The following TMOD1 variants were observed in gnomAD, a reference collection of about 807,000 sequenced individuals.
TMOD1 encodes the protein tropomodulin-1.
TMOD1 carries 17 observed loss-of-function variants against 40.6 expected under a neutral mutation model. That is an observed-to-expected ratio of 0.42 (90% confidence interval 0.29 to 0.63). TMOD1 has a LOEUF of 0.63. Ranked by LOEUF, TMOD1 falls within the 20% of genes least tolerant of loss-of-function variation. The pLI is 0.22. For synonymous variants in TMOD1, 181 were observed against 175.0 expected (o/e 1.03, Z -0.27); for missense variants, 391 against 447.6 (o/e 0.87, Z 1.14).
At chr9:97,553,693 A>C (rs2131255368) in intron 4 of TMOD1, among the ~76,000 whole-genome samples, 1 of 152,266 alleles carries the variant, frequency 6.6e-6, no homozygotes, top group South Asian at 2.1e-4. Context: ...TTTCCCAGCC[A>C]TTAGCGTTGA....
chr9:97,598,926 G>C (rs1390937127), intron 9 of TMOD1, among the ~76,000 whole-genome samples: 1 of 152,112 alleles, frequency 6.6e-6, no homozygotes, highest in Non-Finnish European at 1.5e-5. Flanking sequence ...AGAGCTTGCT[G>C]CTTGGTCTTA....
In TMOD1 at chr9:97,600,086, T is replaced by C. The variant is rs570536535; in HGVS notation, c.*388T>C. Reference sequence around the variant, plus strand: ...AACGGCACACTCTTCCACATGCTTTTGAAGTATTATAAAACACTTTATTAC... The same window carrying C: ...AACGGCACACTCTTCCACATGCTTTCGAAGTATTATAAAACACTTTATTAC... On this transcript the variant is annotated 3_prime_UTR_variant, in exon 10 of 10. Coordinates refer to ENST00000259365, the MANE Select transcript of TMOD1 (RefSeq NM_003275.4). 188 of 1,026,218 alleles carry C rather than the reference T, an allele frequency of 1.8e-4. No homozygotes were observed. The African/African-American group carries it at 3.0e-3, about 17-fold the overall frequency. 63.6% of individuals were successfully genotyped at this position (1,026,218 alleles called of 1,614,324 possible).
intron 8 of TMOD1, among the ~76,000 whole-genome samples, chr9:97,577,396 G>A (rs970858005): frequency 3.3e-5 from 5 of 152,192 alleles, no homozygotes; most frequent in Admixed American, 6.5e-5. Context: ...TCTAGAGCTC[G>A]CTGCCTGTAT....
At chr9:97,531,206 T>A (rs551178491) in intron 2 of TMOD1, among the ~76,000 whole-genome samples, 8 of 152,274 alleles carry the variant, frequency 5.3e-5, no homozygotes, top group Admixed American at 2.0e-4. Context: ...CCTCATAGGA[T>A]GAGGTTTAAT....
chr9:97,508,191 T>C (rs1829625284), intron 1 of TMOD1, among the ~76,000 whole-genome samples: 1 of 151,712 alleles, frequency 6.6e-6, no homozygotes, highest in South Asian at 2.1e-4. Flanking sequence ...AACATTTCTT[T>C]CTTTCTTTTT....
chr9:97,538,469 CAA>C (rs11358222), intron 2 of TMOD1, among the ~76,000 whole-genome samples: 13 of 149,254 alleles, frequency 8.7e-5, no homozygotes, highest in Non-Finnish European at 7.5e-5. Context: ...GAACTAACTA[CAA>C]AAAAAAAAAG....
intron 1 of TMOD1, among the ~76,000 whole-genome samples, chr9:97,512,138 A>G (rs906990023): frequency 6.6e-6 from 1 of 152,136 alleles, no homozygotes; most frequent in African/African-American, 2.4e-5. Context: ...GGCCTAATTC[A>G]CAGCAGAGGT....
intron 8 of TMOD1, among the ~76,000 whole-genome samples, chr9:97,589,117 CAA>C (rs755141854): frequency 2.2e-4 from 15 of 67,478 alleles, no homozygotes; most frequent in Admixed American, 4.8e-4. Flanking sequence ...GACTCTGTCT[CAA>C]AAAAAAAAAA....
At chr9:97,561,322 T>C (rs907674755) in intron 4 of TMOD1, among the ~76,000 whole-genome samples, 64 of 152,258 alleles carry the variant, frequency 4.2e-4, no homozygotes, top group African/African-American at 1.5e-3. Context: ...GTGAATAAAA[T>C]CTACTCCAGA....
At chr9:97,527,432 C>A (rs1458432176) in intron 2 of TMOD1, among the ~76,000 whole-genome samples, 1 of 152,164 alleles carries the variant, frequency 6.6e-6, no homozygotes, top group Admixed American at 6.5e-5. Flanking sequence ...GGAAGCTGTG[C>A]CAGGAGATTA....
chr9:97,540,265 G>A (rs1179581818), intron 2 of TMOD1, among the ~76,000 whole-genome samples: 1 of 152,194 alleles, frequency 6.6e-6, no homozygotes, highest in Non-Finnish European at 1.5e-5. Context: ...AGAAGTCCCA[G>A]ATCAGGGTCT....
In TMOD1 at chr9:97,502,360, A is replaced by G. The variant is rs1217239073; in HGVS notation, c.-49+557A>G. Among the ~76,000 whole-genome samples the G allele has an allele frequency of 6.6e-6, 1 of 152,162 alleles. No individual in the cohort carries two copies. The highest frequency in any genetic ancestry group is 1.5e-5 in the Non-Finnish European group (1 of 68,018). On this transcript the variant is annotated intron_variant, in intron 1 of 9. Coordinates refer to ENST00000259365, the MANE Select transcript of TMOD1 (RefSeq NM_003275.4). This position sits in a 1 kb window ranked among gnomAD's most constrained non-coding sequence, Gnocchi z 6.1. ...GTTTGGGGCAGGTGAAGTTTCCCAAACTGGGAGAGACAAGGTTTAAAGCAC... is the reference window on the plus strand; with the variant it reads ...GTTTGGGGCAGGTGAAGTTTCCCAAGCTGGGAGAGACAAGGTTTAAAGCAC...
Position 97,524,215 on chromosome 9 carries a change from A to G in TMOD1, c.27A>G (p.Lys9=). 1.9e-6 allele frequency: 3 copies of G among 1,613,854 alleles called. No homozygotes were observed. The highest frequency in any genetic ancestry group is 2.5e-6 in the Non-Finnish European group (3 of 1,179,704). MSYRRELE[K]YRDLDEDEIL... ...TGTCGTACAGACGAGAACTAGAGAA[A>G]TACCGTGACCTGGATGAAGATGAAA... Residue 9 remains lysine, a synonymous_variant, in exon 2 of 10, where the codon AAA becomes AAG. Transcript: ENST00000259365.
chr9:97,600,522 T>A lies in TMOD1; in HGVS notation c.*824T>A. 23 of 985,786 alleles carry A rather than the reference T, an allele frequency of 2.3e-5. No individual in the cohort carries two copies. The highest frequency in any genetic ancestry group is 2.8e-5 in the Non-Finnish European group (23 of 830,198). 61.1% of individuals were successfully genotyped at this position (985,786 alleles called of 1,614,324 possible). On this transcript the variant is annotated 3_prime_UTR_variant, in exon 10 of 10. Coordinates refer to ENST00000259365, the MANE Select transcript of TMOD1 (RefSeq NM_003275.4). ...ACGGCCAAATACTTTTGAAAACACCTTTCTATATTGCACAGTGGGCAAATG... is the reference window on the plus strand; with the variant it reads ...ACGGCCAAATACTTTTGAAAACACCATTCTATATTGCACAGTGGGCAAATG...
intron 2 of TMOD1, among the ~76,000 whole-genome samples, chr9:97,531,050 C>T (rs909659299): frequency 7.2e-6 from 1 of 139,568 alleles, no homozygotes; most frequent in Non-Finnish European, 1.6e-5. Flanking sequence ...CCCCCCACCA[C>T]CCCTTGGCCT....
chr9:97,586,776 C>T (rs201362401), intron 8 of TMOD1, among the ~76,000 whole-genome samples: 261 of 152,132 alleles, frequency 1.7e-3, no homozygotes, highest in Non-Finnish European at 2.7e-3. Context: ...TTCCAGGTGC[C>T]GTCCGTCACC....
rs1395511297 is a variant in TMOD1 at position 97,565,857 on chromosome 9, A to G, written c.628A>G (p.Ile210Val). The G allele has an allele frequency of 6.2e-7, 1 of 1,613,780 alleles. No individual in the cohort carries two copies. Among genetic ancestry groups the G allele is most frequent in the Non-Finnish European group, 8.5e-7 (1 of 1,179,826 alleles). ...GCCTTTCTTTGTGCAGAATATCCCC[A>G]TCCCCACCCTCAAGGCATATGCAGA... ...VNLNNIRNIP[I>V]PTLKAYAEAL... The change falls in exon 7 of 10, where the codon ATC (isoleucine) becomes GTC (valine). Residue 210 changes from isoleucine to valine, a missense_variant. By Grantham distance (29) the Ile-to-Val change is conservative. Transcript: ENST00000259365.
chr9:97,501,505 TC>T (rs975907526), upstream of TMOD1: 3 of 149,968 alleles, frequency 2.0e-5, no homozygotes, highest in African/African-American at 7.3e-5. Flanking sequence ...CAGGGCCGCG[TC>T]CCGACGGGGA....
intron 3 of TMOD1, among the ~76,000 whole-genome samples, chr9:97,552,643 CACA>C (rs1830471909): frequency 2.0e-5 from 3 of 152,332 alleles, no homozygotes; most frequent in East Asian, 1.9e-4. Context: ...GCCTTTTTCA[CACA>C]ACATTTGTCC....
Sources: gnomAD v4.1 joint callset for allele counts (sites outside exome capture counted in the v4.1 genomes callset) on GRCh38, gnomAD v4.1.1 for gene constraint, Gnocchi (gnomAD v3.1) non-coding constraint, MANE v1.5 for transcripts, NCBI Gene and HGNC (gene_info 2026-07-23, HGNC 2026-07-21) for gene names.